The following SLC9C2 variants were observed in gnomAD, a reference collection of about 807,000 sequenced individuals.
The protein encoded by SLC9C2 is sodium/hydrogen exchanger 11.
A neutral mutation model predicts 140.2 loss-of-function variants in SLC9C2; 75 were observed. The observed-to-expected ratio is 0.53, with a 90% CI of 0.44 to 0.65. SLC9C2 has a LOEUF of 0.65. Ranked by LOEUF, SLC9C2 falls within the 30% of genes least tolerant of loss-of-function variation. The pLI is 0.00. For missense variants in SLC9C2, 1,074 were observed against 1,331.8 expected (o/e 0.81, Z 3.01); for synonymous variants, 375 against 420.9 (o/e 0.89, Z 1.34).
chr1:173,534,694 T>A lies in SLC9C2; in HGVS notation c.1776-12A>T. ...GAAATGTATTACTCCTGAAAAGAGATCAAATAAAATGTTAGATCACTTAAA... is the reference window on the plus strand; with the variant it reads ...GAAATGTATTACTCCTGAAAAGAGAACAAATAAAATGTTAGATCACTTAAA... On this transcript the variant is annotated splice_polypyrimidine_tract_variant and intron_variant, in intron 15 of 27. Coordinates refer to ENST00000367714, the MANE Select transcript of SLC9C2 (RefSeq NM_178527.4). 1.4e-6 allele frequency: 2 copies of A among 1,438,982 alleles called. No homozygotes were observed. The highest frequency in any genetic ancestry group is 1.8e-6 in the Non-Finnish European group (2 of 1,083,196). 89.1% of individuals were successfully genotyped at this position (1,438,982 alleles called of 1,614,324 possible). A position where few individuals can be genotyped will look rare whatever the true frequency, so the allele number is the denominator to read the frequency against.
intron 15 of SLC9C2, among the ~76,000 whole-genome samples, chr1:173,535,052 G>A: frequency 6.6e-6 from 1 of 151,954 alleles, no homozygotes; most frequent in Admixed American, 6.6e-5. Flanking sequence ...TAATTACTAT[G>A]ACATATATTT....
chr1:173,516,158 G>A (rs1660400706), intron 23 of SLC9C2, among the ~76,000 whole-genome samples: 1 of 152,198 alleles, frequency 6.6e-6, no homozygotes. Flanking sequence ...ACAGGGAGCA[G>A]GACCCATTTA....
chr1:173,578,592 G>A (rs375906611), intron 7 of SLC9C2, among the ~76,000 whole-genome samples: 3 of 152,064 alleles, frequency 2.0e-5, no homozygotes, highest in Non-Finnish European at 2.9e-5. Context: ...CAAACTGGGG[G>A]GCTTAAACCA....
At chr1:173,526,382 C>A (rs545601526) in intron 19 of SLC9C2, among the ~76,000 whole-genome samples, 24 of 152,224 alleles carry the variant, frequency 1.6e-4, no homozygotes, top group Non-Finnish European at 2.1e-4. Flanking sequence ...ACACTCCTCT[C>A]ATTCTTTCCT....
chr1:173,558,042 C>T (rs566632464), intron 9 of SLC9C2, among the ~76,000 whole-genome samples: 27 of 152,154 alleles, frequency 1.8e-4, no homozygotes, highest in Non-Finnish European at 1.0e-4. Flanking sequence ...CTTTTCTATA[C>T]GACCCTGTGC....
intron 9 of SLC9C2, 88 bp downstream of exon 9, chr1:173,573,094 C>CT: frequency 2.1e-6 from 2 of 970,024 alleles, no homozygotes; most frequent in Non-Finnish European, 1.5e-6. Flanking sequence ...GTCCAGAGCC[C>CT]TTTTTGCTGT....
chr1:173,529,998 G>C lies in SLC9C2; in HGVS notation c.2220C>G (p.Ser740Arg). ...IADVQIKKRL[S>R]LMYSITKGYI... The stretch of plus-strand genomic sequence containing the variant: ...AGCCTTTTGTAATACTATACATCAA[G>C]CTGAGGCGCTTTTTGATCTGCACAT... Residue 740 changes from serine (S) to arginine (R), a missense_variant, in exon 18 of 28, where the codon AGC becomes AGG. Physicochemically the swap from Ser to Arg is moderately radical, Grantham distance 110. Transcript: ENST00000367714. 2 of 1,613,336 alleles carry C rather than the reference G, an allele frequency of 1.2e-6. No homozygotes were observed. Among genetic ancestry groups the C allele is most frequent in the Non-Finnish European group, 1.7e-6 (2 of 1,179,816 alleles).
In SLC9C2 at chr1:173,548,374, C is replaced by A; in HGVS notation, c.1461+15G>T. On this transcript the variant is annotated intron_variant, in intron 12 of 27. Coordinates refer to ENST00000367714, the MANE Select transcript of SLC9C2 (RefSeq NM_178527.4). ...GAAGGAAAGGAAAACTACTTTTTGC[C>A]AGGTATCAACTCACAGGAATGTATT... 1 of 1,598,850 alleles carries A rather than the reference C, an allele frequency of 6.3e-7. No individual in the cohort carries two copies. Among genetic ancestry groups the A allele is most frequent in the South Asian group, 1.1e-5 (1 of 88,286 alleles).
At chr1:173,519,659 T>A (rs773682469) in intron 22 of SLC9C2, among the ~76,000 whole-genome samples, 1 of 152,234 alleles carries the variant, frequency 6.6e-6, no homozygotes, top group Non-Finnish European at 1.5e-5. Context: ...CTTTTAAGTA[T>A]CGGACTTGCC....
intron 3 of SLC9C2, among the ~76,000 whole-genome samples, chr1:173,599,124 C>G (rs996640654): frequency 2.2e-5 from 3 of 139,284 alleles, no homozygotes; most frequent in Admixed American, 2.0e-4. Context: ...TATAAGCAGG[C>G]CCTTTTTTTT....
At chr1:173,527,782 T>A (rs908808263) in intron 18 of SLC9C2, among the ~76,000 whole-genome samples, 1 of 152,230 alleles carries the variant, frequency 6.6e-6, no homozygotes, top group African/African-American at 2.4e-5. Context: ...CCTGGTTTGT[T>A]ATCTAAAGTT....
intron 18 of SLC9C2, among the ~76,000 whole-genome samples, chr1:173,528,628 A>G (rs2101975631): frequency 6.6e-6 from 1 of 152,348 alleles, no homozygotes; most frequent in East Asian, 1.9e-4. Context: ...ATAAGTAAAG[A>G]GCCTCTCTTG....
At chr1:173,508,939 A>C (rs1307339774) in intron 24 of SLC9C2, among the ~76,000 whole-genome samples, 1 of 152,062 alleles carries the variant, frequency 6.6e-6, no homozygotes, top group African/African-American at 2.4e-5. Context: ...AATAATAAAT[A>C]CAGACAGAGC....
At chr1:173,512,686 A>G (rs969302785) in intron 23 of SLC9C2, among the ~76,000 whole-genome samples, 8 of 152,134 alleles carry the variant, frequency 5.3e-5, no homozygotes, top group African/African-American at 1.9e-4. Context: ...TTCTAATACT[A>G]TGTTGAATAG....
At chr1:173,572,295 G>A (rs1212938145) in intron 9 of SLC9C2, among the ~76,000 whole-genome samples, 3 of 152,210 alleles carry the variant, frequency 2.0e-5, no homozygotes, top group African/African-American at 7.2e-5. Context: ...GGAACAGCAG[G>A]TAGGCACCAA....
At chr1:173,563,616 G>A (rs895209959) in intron 9 of SLC9C2, among the ~76,000 whole-genome samples, 5 of 152,114 alleles carry the variant, frequency 3.3e-5, no homozygotes, top group Admixed American at 2.6e-4. Context: ...GGGTACATGA[G>A]ACATTTGATA....
intron 26 of SLC9C2, among the ~76,000 whole-genome samples, 181 bp from the exon 27 acceptor site, chr1:173,503,507 A>G (rs1217680284): frequency 1.3e-5 from 2 of 152,142 alleles, no homozygotes; most frequent in Admixed American, 6.5e-5. Flanking sequence ...CTAAAGTCCA[A>G]TACAAGGGCT....
intron 16 of SLC9C2, 125 bp from the exon 17 acceptor site, chr1:173,533,922 T>A: frequency 8.9e-7 from 1 of 1,118,534 alleles, no homozygotes. Flanking sequence ...GAGCTTTAAG[T>A]TATTCATTTG....
At chr1:173,542,926 G>T (rs1662544711) in intron 13 of SLC9C2, among the ~76,000 whole-genome samples, 1 of 152,178 alleles carries the variant, frequency 6.6e-6, no homozygotes, top group African/African-American at 2.4e-5. Context: ...AAAACTGGAA[G>T]CATTCCCTTT....
Sources: gnomAD v4.1 joint callset for allele counts (sites outside exome capture counted in the v4.1 genomes callset) on GRCh38, gnomAD v4.1.1 for gene constraint, MANE v1.5 for transcripts, NCBI Gene and HGNC (gene_info 2026-07-23, HGNC 2026-07-21) for gene names.